The following LRRC4C variants were observed in gnomAD, a reference collection of about 807,000 sequenced individuals.
LRRC4C encodes leucine rich repeat containing 4C, also known as leucine-rich repeat-containing protein 4C.
In LRRC4C, 5 loss-of-function variants were observed where a neutral mutation model predicts 33.6. That is an observed-to-expected ratio of 0.15 (90% confidence interval 0.08 to 0.31). The LOEUF (loss-of-function observed/expected upper bound fraction) is 0.31, where lower values mean the gene tolerates loss of function less well. LRRC4C is among the 10% of genes least tolerant of loss of function. The pLI, the probability that LRRC4C is intolerant of heterozygous loss-of-function variation, is 1.00. For missense variants in LRRC4C, 560 were observed against 796.7 expected (o/e 0.70, Z 3.58); for synonymous variants, 329 against 302.0 (o/e 1.09, Z -0.93).
chr11:41,130,625 A>G (rs867742350), intron 1 of LRRC4C, among the ~76,000 whole-genome samples: 7 of 152,176 alleles, frequency 4.6e-5, no homozygotes, highest in Admixed American at 3.3e-4. Context: ...TAAATGACAT[A>G]ATTTCTAAAA....
chr11:40,495,922 G>A (rs905860157), intron 3 of LRRC4C, among the ~76,000 whole-genome samples: 11 of 132,196 alleles, frequency 8.3e-5, no homozygotes, highest in South Asian at 2.5e-4. Context: ...CTCCGCCCCC[G>A]GGGTTCAAGC....
intron 1 of LRRC4C, among the ~76,000 whole-genome samples, chr11:41,328,599 G>A (rs1394780389): frequency 6.6e-6 from 1 of 152,088 alleles, no homozygotes; most frequent in African/African-American, 2.4e-5. Context: ...TCTCTTCGTA[G>A]GCATGACCCA....
chr11:40,237,611 T>TTC (rs1472851916), intron 5 of LRRC4C, among the ~76,000 whole-genome samples: 1 of 152,220 alleles, frequency 6.6e-6, no homozygotes, highest in Non-Finnish European at 1.5e-5. Context: ...CTTTCTCTTA[T>TTC]TCTGCCACCC....
intron 3 of LRRC4C, among the ~76,000 whole-genome samples, chr11:40,490,499 T>C (rs1954092397): frequency 6.6e-6 from 1 of 152,136 alleles, no homozygotes; most frequent in Non-Finnish European, 1.5e-5. Flanking sequence ...TAGATTTTTA[T>C]ATTGCTAATA....
intron 1 of LRRC4C, among the ~76,000 whole-genome samples, chr11:41,420,416 C>A (rs1489149095): frequency 6.6e-6 from 1 of 151,936 alleles, no homozygotes. Flanking sequence ...AGGTCTATGC[C>A]ATTTTTACTT....
intron 3 of LRRC4C, among the ~76,000 whole-genome samples, chr11:40,343,530 C>A (rs1946969866): frequency 6.6e-6 from 1 of 151,818 alleles, no homozygotes; most frequent in Non-Finnish European, 1.5e-5. Flanking sequence ...ATCAGACAGA[C>A]CCTGGTGTCC....
intron 2 of LRRC4C, among the ~76,000 whole-genome samples, chr11:40,710,602 C>T (rs926040824): frequency 6.6e-6 from 1 of 152,246 alleles, no homozygotes; most frequent in South Asian, 2.1e-4. Context: ...CAGAGGGGCA[C>T]CCGGCTGTTT....
At chr11:40,851,837 T>C (rs1953517575) in intron 2 of LRRC4C, among the ~76,000 whole-genome samples, 1 of 152,204 alleles carries the variant, frequency 6.6e-6, no homozygotes, top group South Asian at 2.1e-4. Flanking sequence ...TCAGCCAGCA[T>C]CTGTCTTTAG....
chr11:40,941,935 A>G (rs1225925124), intron 1 of LRRC4C, among the ~76,000 whole-genome samples: 1 of 152,192 alleles, frequency 6.6e-6, no homozygotes, highest in Middle Eastern at 3.2e-3. Context: ...GTTCAAGTCC[A>G]TCAAGAAGCA....
rs1340331327 is a variant in LRRC4C, at chr11:40,780,372, A to G, written c.-406-132094T>C. ...TTCGAAAATATATATTGGTAAGTGG[A>G]TGCCCTCATTTTATACATCACATTT... On this transcript the variant is annotated intron_variant, in intron 2 of 6. Transcript: ENST00000528697. 3.3e-5 allele frequency among the ~76,000 whole-genome samples: 5 copies of G among 152,322 alleles called. No homozygotes were observed. In the South Asian group the frequency reaches 6.2e-4, roughly 19 times the overall value.
chr11:40,423,869 G>C (rs1950617900), intron 3 of LRRC4C, among the ~76,000 whole-genome samples: 3 of 152,144 alleles, frequency 2.0e-5, no homozygotes, highest in African/African-American at 7.2e-5. Flanking sequence ...TTGGAATAAA[G>C]TGTATTGTAT....
chr11:40,902,927 A>G (rs887557903), intron 2 of LRRC4C, among the ~76,000 whole-genome samples: 1 of 152,214 alleles, frequency 6.6e-6, no homozygotes, highest in African/African-American at 2.4e-5. Flanking sequence ...GCTCAAGTAG[A>G]AACTGCAGCA....
intron 1 of LRRC4C, among the ~76,000 whole-genome samples, chr11:41,443,209 G>A (rs996228269): frequency 2.0e-5 from 3 of 150,900 alleles, no homozygotes; most frequent in South Asian, 2.1e-4. Context: ...ACAAATTAGC[G>A]GAAGGAAACA....
chr11:40,735,732 G>A (rs1215633331), intron 2 of LRRC4C, among the ~76,000 whole-genome samples: 18 of 148,830 alleles, frequency 1.2e-4, no homozygotes, highest in East Asian at 1.2e-3. Context: ...AGGAATCACC[G>A]CACTGACTTC....
At chr11:41,028,334 A>G (rs1292256809) in intron 1 of LRRC4C, among the ~76,000 whole-genome samples, 5 of 151,678 alleles carry the variant, frequency 3.3e-5, no homozygotes, top group Non-Finnish European at 7.4e-5. Context: ...TTTGGTTTCA[A>G]AATAGACTTT....
intron 1 of LRRC4C, among the ~76,000 whole-genome samples, chr11:41,323,704 C>T (rs1951023840): frequency 6.6e-6 from 1 of 152,110 alleles, no homozygotes; most frequent in African/African-American, 2.4e-5. Context: ...AGGACTGAAG[C>T]CCGTCTTACA....
intron 1 of LRRC4C, among the ~76,000 whole-genome samples, chr11:41,066,743 G>A (rs1938271111): frequency 6.6e-6 from 1 of 152,208 alleles, no homozygotes. Flanking sequence ...TGCCAGAAGA[G>A]AGTGGGGGCC....
At chr11:40,709,839 T>G (rs1373445088) in intron 2 of LRRC4C, among the ~76,000 whole-genome samples, 1 of 152,206 alleles carries the variant, frequency 6.6e-6, no homozygotes, top group Non-Finnish European at 1.5e-5. Flanking sequence ...CAAATGTAGC[T>G]TTGGTCGTTT....
rs775298107 is a variant in LRRC4C, at chr11:41,017,285, CT to C, written c.-495-83563del. Among the ~76,000 whole-genome samples, 10 of 152,236 alleles carry C rather than the reference CT, an allele frequency of 6.6e-5. 1 individual carries two copies. In the East Asian group the frequency reaches 1.7e-3, roughly 26 times the overall value. On this transcript the variant is annotated intron_variant, in intron 1 of 6. Transcript: ENST00000528697. ...GCAACCACTTCTCAGTTACTGATAT[CT>C]TTTATTTCTGTTATATTCATTTGAT...
Sources: gnomAD v4.1 joint callset for allele counts (sites outside exome capture counted in the v4.1 genomes callset) on GRCh38, gnomAD v4.1.1 for gene constraint, MANE v1.5 for transcripts, NCBI Gene and HGNC (gene_info 2026-07-23, HGNC 2026-07-21) for gene names.